The following DGKD variants were observed in gnomAD, a reference collection of about 807,000 sequenced individuals.
The protein encoded by DGKD is DAG kinase delta.
A neutral mutation model predicts 154.4 loss-of-function variants in DGKD; 68 were observed. That is an observed-to-expected ratio of 0.44 (90% CI 0.36 to 0.54). The LOEUF (loss-of-function observed/expected upper bound fraction) is 0.54, where lower values mean the gene tolerates loss of function less well. DGKD is among the 20% of genes least tolerant of loss of function. DGKD has a pLI of 0.00. For synonymous variants in DGKD, 693 were observed against 638.0 expected (o/e 1.09, Z -1.30); for missense variants, 1,343 against 1,593.6 (o/e 0.84, Z 2.68).
rs572076300 is a variant in DGKD at position 233,457,244 on chromosome 2, C to G, written c.2496C>G (p.Leu832=). 6.6e-7 allele frequency: 1 copy of G among 1,520,946 alleles called. No homozygotes were observed. The highest frequency in any genetic ancestry group is 1.3e-5 in the South Asian group (1 of 75,462). 94.2% of individuals were successfully genotyped at this position (1,520,946 alleles called of 1,614,324 possible). Residue 832 remains leucine (L), a synonymous_variant, in exon 21 of 30, where the codon CTC becomes CTG. Coordinates refer to ENST00000264057, the MANE Select transcript of DGKD (RefSeq NM_152879.3). The surrounding 1 kb of genome is among the most constrained non-coding windows in gnomAD (Gnocchi z 5.5). The part of the protein sequence containing the change: ...LLECDGRPIP[L]PSLQGIAVLN... ...AGTGTGACGGGCGACCCATCCCACT[C>G]CCCAGTCTTCAGGGAATTGCTGTCC...
At chr2:233,469,193 G>A (rs2063923143) in intron 29 of DGKD, among the ~76,000 whole-genome samples, 178 bp from the exon 30 acceptor site, 1 of 152,260 alleles carries the variant, frequency 6.6e-6, no homozygotes, top group African/African-American at 2.4e-5. Context: ...CAATGGGCCA[G>A]GCATCTGTAT....
chr2:233,417,855 C>A (rs73995945), intron 3 of DGKD, among the ~76,000 whole-genome samples: 1 of 152,070 alleles, frequency 6.6e-6, no homozygotes, highest in Non-Finnish European at 1.5e-5. Flanking sequence ...AGCAGGGGTA[C>A]GTGCTGCTGA....
intron 1 of DGKD, among the ~76,000 whole-genome samples, chr2:233,358,365 TAAAC>T (rs1299271753): frequency 2.0e-5 from 3 of 152,242 alleles, no homozygotes; most frequent in East Asian, 1.9e-4. Flanking sequence ...ATTTTAAATT[TAAAC>T]AAAGCATTTT....
intron 1 of DGKD, among the ~76,000 whole-genome samples, chr2:233,387,328 T>A (rs1486377904): frequency 1.3e-5 from 2 of 152,196 alleles, no homozygotes; most frequent in Non-Finnish European, 2.9e-5. Flanking sequence ...TCCCTCCATT[T>A]CCATGCTGAG....
chr2:233,361,650 A>G (rs1701786736), intron 1 of DGKD, among the ~76,000 whole-genome samples: 1 of 152,200 alleles, frequency 6.6e-6, no homozygotes, highest in Non-Finnish European at 1.5e-5. Context: ...AAAGAACCAG[A>G]TGAAAATTCT....
At chr2:233,374,292 C>A (rs138960466) in intron 1 of DGKD, among the ~76,000 whole-genome samples, 4 of 151,354 alleles carry the variant, frequency 2.6e-5, no homozygotes, top group Admixed American at 2.0e-4. Flanking sequence ...CTCAAGTGTG[C>A]CTTCTGCCTC....
chr2:233,445,003 T>C lies in DGKD; in HGVS notation c.1195-620T>C, dbSNP rs1049379972. Among the ~76,000 whole-genome samples the C allele has an allele frequency of 2.6e-5, 4 of 151,906 alleles. No individual in the cohort carries two copies. Among genetic ancestry groups the C allele is most frequent in the Non-Finnish European group, 4.4e-5 (3 of 67,970 alleles). On this transcript the variant is annotated intron_variant, in intron 10 of 29. Transcript: ENST00000264057. This position sits in a 1 kb window ranked among gnomAD's most constrained non-coding sequence, Gnocchi z 5.5. ...GTGGGATCTCATTGGAGCTCTGAAA[T>C]GGGAATCCAGGTGGAGGGTGAGGCC...
chr2:233,440,697 G>T lies in DGKD; in HGVS notation c.1086-1190G>T, dbSNP rs961266837. On this transcript the variant is annotated intron_variant, in intron 9 of 29. Transcript: ENST00000264057. The surrounding 1 kb of genome is among the most constrained non-coding windows in gnomAD (Gnocchi z 4.9). ...AAAGGTGGCACCTGCCGTCAGGGAG[G>T]GCTGCGGGTGCTGGCCAAGAGGTTC... 6.6e-6 allele frequency among the ~76,000 whole-genome samples: 1 copy of T among 152,208 alleles called. No homozygotes were observed. Among genetic ancestry groups the T allele is most frequent in the Admixed American group, 6.5e-5 (1 of 15,280 alleles).
At chr2:233,414,488 A>C (rs1444638501) in intron 3 of DGKD, among the ~76,000 whole-genome samples, 2 of 152,134 alleles carry the variant, frequency 1.3e-5, no homozygotes, top group Non-Finnish European at 2.9e-5. Context: ...CCAGGCAGGC[A>C]CTCCATCCCT....
In DGKD at chr2:233,457,112, C is replaced by A; in HGVS notation, c.2473-109C>A. ...ATGCACAGGGACTTGCCTGGGGATG[C>A]CCTGGCCACGGCTGTGCTCCTGAGC... On this transcript the variant is annotated intron_variant, in intron 20 of 29. Transcript: ENST00000264057. The surrounding 1 kb of genome is among the most constrained non-coding windows in gnomAD (Gnocchi z 5.5). 7.6e-7 allele frequency: 1 copy of A among 1,308,372 alleles called. No homozygotes were observed. The highest frequency in any genetic ancestry group is 1.3e-5 in the South Asian group (1 of 79,590). The allele number at this position is 1,308,372 out of a possible 1,614,324, so 81.0% of individuals were successfully genotyped here. A position where few individuals can be genotyped will look rare whatever the true frequency, so the allele number is the denominator to read the frequency against.
At chr2:233,362,950 A>G (rs1251346808) in intron 1 of DGKD, among the ~76,000 whole-genome samples, 2 of 152,240 alleles carry the variant, frequency 1.3e-5, no homozygotes, top group African/African-American at 2.4e-5. Context: ...AAACAGACCT[A>G]CTGCACTGCA....
intron 1 of DGKD, among the ~76,000 whole-genome samples, chr2:233,363,335 AAAT>A: frequency 6.6e-6 from 1 of 152,318 alleles, no homozygotes; most frequent in South Asian, 2.1e-4. Context: ...TTAAGAAGTA[AAAT>A]AATTAAAAAA....
chr2:233,411,989 T>G (rs1392846654), intron 3 of DGKD, among the ~76,000 whole-genome samples: 3 of 152,226 alleles, frequency 2.0e-5, no homozygotes, highest in African/African-American at 7.2e-5. Flanking sequence ...TATGTCTGCC[T>G]TTACTGAAAT....
At chr2:233,439,335 C>T (rs1343414222) in intron 9 of DGKD, among the ~76,000 whole-genome samples, 2 of 152,284 alleles carry the variant, frequency 1.3e-5, no homozygotes, top group East Asian at 1.9e-4. Context: ...GTGTCCTTGG[C>T]GTACATGCCA....
chr2:233,397,505 C>T (rs1209913241), intron 3 of DGKD, among the ~76,000 whole-genome samples: 34 of 64,050 alleles, frequency 5.3e-4, no homozygotes, highest in Admixed American at 5.3e-3. Flanking sequence ...CAGAGCGAGG[C>T]GAGAGGACAC....
rs188593939 is a variant in DGKD, at chr2:233,408,882, T to C, written c.348+18399T>C. The C allele has an allele frequency of 3.3e-5, 5 of 152,378 alleles. No homozygotes were observed. In the East Asian group the frequency reaches 9.6e-4, roughly 29 times the overall value. The allele number at this position is 152,378 out of a possible 1,614,324, so 9.4% of individuals were successfully genotyped here. ...AGGAGGAAGCAGGCATTGAGTCAAA[T>C]TGGTGGCTGTTTGCTAAGTGTGGGG... On this transcript the variant is annotated intron_variant, in intron 3 of 29. Transcript: ENST00000264057.
At chr2:233,370,564 C>CTACTTTT (rs1260858453) in intron 1 of DGKD, among the ~76,000 whole-genome samples, 109 of 114,862 alleles carry the variant, frequency 9.5e-4, no homozygotes, top group African/African-American at 3.9e-3. Flanking sequence ...CGTTTCAGAA[C>CTACTTTT]TTCTTCTTTT....
At chr2:233,401,496 A>G (rs112754518) in intron 3 of DGKD, among the ~76,000 whole-genome samples, 39 of 152,292 alleles carry the variant, frequency 2.6e-4, no homozygotes, top group African/African-American at 8.7e-4. Context: ...GTCTGGCTGT[A>G]TTATTACTAC....
At position 233,440,923 on chromosome 2, in the gene DGKD, G is replaced by C. The variant is rs986624188; in HGVS notation, c.1086-964G>C. Among the ~76,000 whole-genome samples the C allele has an allele frequency of 6.6e-6, 1 of 152,212 alleles. No individual in the cohort carries two copies. The highest frequency in any genetic ancestry group is 1.5e-5 in the Non-Finnish European group (1 of 68,032). ...GGGTGTGGAGGAGAGGCTGCCAGGA[G>C]GGGCTGGGTCGGCTGCAGGCTGAGA... On this transcript the variant is annotated intron_variant, in intron 9 of 29. Coordinates refer to ENST00000264057, the MANE Select transcript of DGKD (RefSeq NM_152879.3). This position sits in a 1 kb window ranked among gnomAD's most constrained non-coding sequence, Gnocchi z 4.9.
Sources: allele counts gnomAD v4.1 joint callset (sites outside exome capture counted in the v4.1 genomes callset), GRCh38; gene constraint gnomAD v4.1.1; non-coding constraint Gnocchi (gnomAD v3.1); transcripts MANE v1.5; gene names NCBI Gene and HGNC (gene_info 2026-07-23, HGNC 2026-07-21).